The following RBFOX1 variants were observed in gnomAD, a reference collection of about 807,000 sequenced individuals.
The protein encoded by RBFOX1 is RNA binding fox-1 homolog 1.
In RBFOX1, 8 loss-of-function variants were observed where a neutral mutation model predicts 57.7. The observed-to-expected ratio is 0.14, with a 90% confidence interval of 0.08 to 0.25. The LOEUF (loss-of-function observed/expected upper bound fraction) is 0.25. Ranked by LOEUF, RBFOX1 falls within the 10% of genes least tolerant of loss-of-function variation. RBFOX1 has a pLI of 1.00. For missense variants in RBFOX1, 611 were observed against 548.5 expected, an observed-to-expected ratio of 1.11 and a Z score of -1.14; for synonymous variants, 326 against 222.4, an observed-to-expected ratio of 1.47 and a Z score of -4.15.
chr16:5,789,965 T>C (rs1047558011), intron 3 of RBFOX1, among the ~76,000 whole-genome samples: 1 of 152,216 alleles, frequency 6.6e-6, no homozygotes, highest in African/African-American at 2.4e-5. Flanking sequence ...GATAGACCTC[T>C]ACACCTCACG....
At chr16:6,660,459 A>C (rs1416900061) in intron 3 of RBFOX1, among the ~76,000 whole-genome samples, 1 of 152,086 alleles carries the variant, frequency 6.6e-6, no homozygotes, top group Non-Finnish European at 1.5e-5. Flanking sequence ...AAATTAAGTC[A>C]CTTGCCCAGG....
chr16:6,949,388 A>G (rs2080227535), intron 3 of RBFOX1, among the ~76,000 whole-genome samples: 1 of 152,094 alleles, frequency 6.6e-6, no homozygotes, highest in Non-Finnish European at 1.5e-5. Flanking sequence ...TACTCATTCC[A>G]TGGTGTATTA....
chr16:6,304,375 T>C (rs2079195165), intron 1 of RBFOX1, among the ~76,000 whole-genome samples: 6 of 152,150 alleles, frequency 3.9e-5, no homozygotes, highest in Admixed American at 3.9e-4. Context: ...TCTGTCTGCA[T>C]TGCAGCCTCT....
At position 5,884,064 on chromosome 16, in the gene RBFOX1, G is replaced by C. The variant is rs529957358; in HGVS notation, c.351+16729G>C. Among the ~76,000 whole-genome samples, 16 of 152,306 alleles carry C rather than the reference G, an allele frequency of 1.1e-4. No individual in the cohort carries two copies. The East Asian group carries it at 3.1e-3, about 29-fold the overall frequency. On this transcript the variant is annotated intron_variant, in intron 4 of 19. Transcript: ENST00000641259. ...CAACATTTCAACTTCTCATCTGAAA[G>C]ATGGGGATAATCACTGTAGCTGCCT...
chr16:7,485,760 C>T (rs902528675), intron 4 of RBFOX1, among the ~76,000 whole-genome samples: 3 of 152,230 alleles, frequency 2.0e-5, no homozygotes, highest in South Asian at 2.1e-4. Flanking sequence ...CCAACTCTCT[C>T]ATGTCTGAAT....
intron 2 of RBFOX1, among the ~76,000 whole-genome samples, chr16:6,426,607 G>A (rs1402315288): frequency 6.6e-6 from 1 of 151,962 alleles, no homozygotes; most frequent in African/African-American, 2.4e-5. Flanking sequence ...CTCCAGCCTG[G>A]GCAACAGAAC....
intron 2 of RBFOX1, among the ~76,000 whole-genome samples, chr16:6,414,792 A>T (rs1375159765): frequency 6.6e-6 from 1 of 152,146 alleles, no homozygotes; most frequent in Non-Finnish European, 1.5e-5. Context: ...ACATTTGGCA[A>T]TGTCTGTCTT....
chr16:6,702,159 G>A (rs535936005), intron 3 of RBFOX1, among the ~76,000 whole-genome samples: 15 of 152,156 alleles, frequency 9.9e-5, no homozygotes, highest in East Asian at 5.8e-4. Flanking sequence ...GAACCAAGCC[G>A]TTCATAAGGG....
Position 6,905,640 on chromosome 16 carries a change from G to A in RBFOX1, c.-15-146417G>A, listed in dbSNP as rs539159251. Among the ~76,000 whole-genome samples the A allele has an allele frequency of 2.0e-4, 31 of 151,646 alleles. No homozygotes were observed. In the South Asian group the frequency reaches 4.0e-3, roughly 19 times the overall value. On this transcript the variant is annotated intron_variant, in intron 3 of 15. Coordinates refer to ENST00000550418, the MANE Select transcript of RBFOX1 (RefSeq NM_018723.4). ...CTTTGTGTTTATTCCAATTTTCCCC[G>A]TTTAGCAACATTGCCCCCACCATCA...
chr16:7,584,053 A>G (rs1323598139), intron 6 of RBFOX1, among the ~76,000 whole-genome samples: 2 of 152,214 alleles, frequency 1.3e-5, no homozygotes, highest in African/African-American at 2.4e-5. Context: ...ATGGGGAGAC[A>G]GGGCATGGTA....
chr16:5,328,533 A>G (rs995290081), intron 1 of RBFOX1, among the ~76,000 whole-genome samples: 2 of 152,244 alleles, frequency 1.3e-5, no homozygotes, highest in Non-Finnish European at 2.9e-5. Flanking sequence ...ATGACAAAGC[A>G]TTGCTAATGT....
At chr16:5,370,300 A>G (rs2065824979) in intron 1 of RBFOX1, among the ~76,000 whole-genome samples, 1 of 151,928 alleles carries the variant, frequency 6.6e-6, no homozygotes, top group East Asian at 1.9e-4. Flanking sequence ...TGAGATCTAG[A>G]CGGCATCTCC....
intron 1 of RBFOX1, among the ~76,000 whole-genome samples, chr16:6,057,985 C>T (rs546336104): frequency 2.6e-5 from 4 of 152,088 alleles, no homozygotes; most frequent in African/African-American, 9.6e-5. Flanking sequence ...AGCCTGAAGG[C>T]TGCACTTCAG....
At chr16:6,899,715 C>A (rs1417380897) in intron 3 of RBFOX1, among the ~76,000 whole-genome samples, 1 of 152,220 alleles carries the variant, frequency 6.6e-6, no homozygotes, top group Non-Finnish European at 1.5e-5. Flanking sequence ...ATGGAGGCTT[C>A]ATGCATGATG....
chr16:6,600,799 G>T (rs1221556174), intron 2 of RBFOX1, among the ~76,000 whole-genome samples: 1 of 151,892 alleles, frequency 6.6e-6, no homozygotes, highest in Non-Finnish European at 1.5e-5. Context: ...CAAGGACATA[G>T]TCAATGTAAG....
chr16:6,232,859 A>G lies in RBFOX1; in HGVS notation c.-126-84136A>G, dbSNP rs141031438. ...ATGTGTTTGCAGGTCTGTTTAGTAG[A>G]CTCAACTTCTGCACATGTAGCATCC... On this transcript the variant is annotated intron_variant, in intron 1 of 15. Coordinates refer to ENST00000550418, the MANE Select transcript of RBFOX1 (RefSeq NM_018723.4). Among the ~76,000 whole-genome samples the G allele has an allele frequency of 3.9e-5, 6 of 152,162 alleles. No homozygotes were observed. The East Asian group carries it at 1.2e-3, about 29-fold the overall frequency.
At chr16:6,214,020 C>T (rs532875834) in intron 1 of RBFOX1, among the ~76,000 whole-genome samples, 4 of 152,324 alleles carry the variant, frequency 2.6e-5, no homozygotes, top group Admixed American at 1.3e-4. Flanking sequence ...ATCACCTCTG[C>T]TTGAGAATCA....
chr16:6,780,520 TTATATATATTTATATA>T (rs2080798374), intron 3 of RBFOX1, among the ~76,000 whole-genome samples: 1 of 115,894 alleles, frequency 8.6e-6, no homozygotes, highest in South Asian at 2.9e-4. Flanking sequence ...ATATATACAT[TTATATATATTTATATA>T]TACATTTACA....
chr16:6,118,672 C>A (rs2096524637), intron 1 of RBFOX1, among the ~76,000 whole-genome samples: 1 of 150,234 alleles, frequency 6.7e-6, no homozygotes, highest in Non-Finnish European at 1.5e-5. Flanking sequence ...TTCCTTCCTT[C>A]CTTCTTCCTT....
Sources: gnomAD v4.1 joint callset for allele counts (sites outside exome capture counted in the v4.1 genomes callset) on GRCh38, gnomAD v4.1.1 for gene constraint, MANE v1.5 for transcripts, NCBI Gene and HGNC (gene_info 2026-07-23, HGNC 2026-07-21) for gene names.